The following EXOC6 variants were observed in gnomAD, a reference collection of about 807,000 sequenced individuals.
The protein encoded by EXOC6 is SEC15-like 1.
EXOC6 carries 60 observed loss-of-function variants against 112.5 expected under a neutral mutation model. The observed-to-expected ratio is 0.53, with a 90% CI of 0.43 to 0.66. EXOC6 has a LOEUF of 0.66. Ranked by LOEUF, EXOC6 falls within the 30% of genes least tolerant of loss-of-function variation. EXOC6 has a pLI of 0.00. For missense variants in EXOC6, 855 were observed against 957.1 expected (o/e 0.89, Z 1.41); for synonymous variants, 295 against 308.0 (o/e 0.96, Z 0.44).
At chr10:93,052,892 A>G (rs1480623322) in intron 20 of EXOC6, among the ~76,000 whole-genome samples, 1 of 152,214 alleles carries the variant, frequency 6.6e-6, no homozygotes, top group Non-Finnish European at 1.5e-5. Context: ...GTGTTAACCA[A>G]TAAATACACC....
chr10:92,982,928 A>AC (rs776560306), intron 18 of EXOC6, among the ~76,000 whole-genome samples: 73 of 152,354 alleles, frequency 4.8e-4, no homozygotes, highest in Non-Finnish European at 9.1e-4. Context: ...TGATTTTAGA[A>AC]CATAATATGC....
chr10:93,048,468 G>A (rs1449622509), intron 20 of EXOC6, among the ~76,000 whole-genome samples: 3 of 150,594 alleles, frequency 2.0e-5, no homozygotes, highest in South Asian at 2.1e-4. Context: ...GTGAAACCTC[G>A]TCTCTAATAC....
chr10:92,913,457 C>T (rs1850911465), intron 6 of EXOC6, among the ~76,000 whole-genome samples: 1 of 152,192 alleles, frequency 6.6e-6, no homozygotes, highest in Non-Finnish European at 1.5e-5. Context: ...GTCCAAGTTC[C>T]TCAGTCTCAT....
intron 18 of EXOC6, among the ~76,000 whole-genome samples, chr10:92,996,359 TAA>T (rs1843483108): frequency 6.6e-6 from 1 of 152,086 alleles, no homozygotes; most frequent in Admixed American, 6.6e-5. Context: ...AAAACCTGTT[TAA>T]AAAAATAATT....
In EXOC6 at chr10:92,955,679, C is replaced by T. The variant is rs776460259; in HGVS notation, c.1738C>T (p.His580Tyr). The stretch of plus-strand genomic sequence containing the variant: ...TACAAATATTTCCCAAGAAACTGTT[C>T]ATACTACAAGACTTTATGGACTTTC... ...NITNISQETV[H>Y]TTRLYGLSTF... The change falls in exon 17 of 22, where the codon CAT becomes TAT. Residue 580 changes from histidine to tyrosine, a missense_variant. By Grantham distance (83) the His-to-Tyr change is moderately conservative. Transcript: ENST00000260762. 1.1e-5 allele frequency: 18 copies of T among 1,611,948 alleles called. No individual in the cohort carries two copies. Among genetic ancestry groups the T allele is most frequent in the Admixed American group, 5.0e-5 (3 of 59,708 alleles).
intron 1 of EXOC6, among the ~76,000 whole-genome samples, chr10:92,864,180 C>T (rs1213002441): frequency 5.3e-5 from 8 of 152,122 alleles, no homozygotes; most frequent in African/African-American, 7.2e-5. Flanking sequence ...GTTATATAGG[C>T]GGATTACACA....
rs368146250 is a variant in EXOC6 at position 92,961,502 on chromosome 10, A to G, written c.1773+5788A>G. ...AAAAGCAAAAGCAGATTGGGTAACAAATATATATGGGATAGAATAAGTAAT... is the reference window on the plus strand; with the variant it reads ...AAAAGCAAAAGCAGATTGGGTAACAGATATATATGGGATAGAATAAGTAAT... On this transcript the variant is annotated intron_variant, in intron 17 of 21. Coordinates refer to ENST00000260762, the MANE Select transcript of EXOC6 (RefSeq NM_019053.6). Among the ~76,000 whole-genome samples the G allele has an allele frequency of 2.6e-5, 4 of 152,252 alleles. No individual in the cohort carries two copies. In the East Asian group the frequency reaches 7.7e-4, roughly 29 times the overall value.
chr10:92,881,388 G>A (rs1848957530), intron 1 of EXOC6, among the ~76,000 whole-genome samples: 1 of 152,142 alleles, frequency 6.6e-6, no homozygotes, highest in South Asian at 2.1e-4. Context: ...ATTGTAAGAT[G>A]TGCAAAGAAT....
At chr10:92,896,165 ATATATATATATATATATTTTTTTTTTTT>A (rs1849785010) in intron 4 of EXOC6, among the ~76,000 whole-genome samples, 1 of 22,170 alleles carries the variant, frequency 4.5e-5, no homozygotes, top group African/African-American at 2.3e-4. Context: ...ATATATATAT[ATATATATATATATATATTTTTTTTTTTT>A]TTTTTTTTTT....
intron 1 of EXOC6, among the ~76,000 whole-genome samples, chr10:92,854,759 T>C (rs1294229684): frequency 6.6e-6 from 1 of 152,230 alleles, no homozygotes; most frequent in Admixed American, 6.5e-5. Flanking sequence ...TTCTGTTTGC[T>C]AGTATTTTGT....
intron 1 of EXOC6, among the ~76,000 whole-genome samples, chr10:92,889,668 A>G (rs7097943): frequency 0.45 from 68,542 of 151,706 alleles, 16,255 homozygotes; most frequent in African/African-American, 0.59. Flanking sequence ...TGTTTTACCA[A>G]TACCATGCAA....
chr10:92,997,470 A>ACCTGT lies in EXOC6; in HGVS notation c.1954-3_1954-2insCTGTC. 1 of 1,601,878 alleles carries ACCTGT rather than the reference A, an allele frequency of 6.2e-7. No individual in the cohort carries two copies. Among genetic ancestry groups the ACCTGT allele is most frequent in the Non-Finnish European group, 8.5e-7 (1 of 1,173,312 alleles). On this transcript the variant is annotated splice_region_variant and splice_polypyrimidine_tract_variant and intron_variant, in intron 18 of 21. Coordinates refer to ENST00000260762, the MANE Select transcript of EXOC6 (RefSeq NM_019053.6). ...TTGATTTTTGGTTTGATTGTTTTAA[A>ACCTGT]CAGGGGAAAGTTGCTCAGACAGCTT... is the stretch of plus-strand genomic sequence containing the variant.
chr10:92,899,395 A>C (rs999971234), intron 4 of EXOC6, among the ~76,000 whole-genome samples: 5 of 152,166 alleles, frequency 3.3e-5, no homozygotes, highest in African/African-American at 1.2e-4. Flanking sequence ...GTGTGTGTAT[A>C]TAATAAAATG....
At chr10:93,037,972 G>A (rs1289286228) in intron 20 of EXOC6, among the ~76,000 whole-genome samples, 3 of 148,576 alleles carry the variant, frequency 2.0e-5, no homozygotes, top group South Asian at 2.1e-4. Context: ...CCCGGGAGGC[G>A]GAGCTTGCAG....
intron 12 of EXOC6, 123 bp downstream of exon 12, chr10:92,936,008 T>C: frequency 1.7e-6 from 1 of 604,078 alleles, no homozygotes. Flanking sequence ...AATGTTTACC[T>C]ACATATTGAT....
chr10:93,017,263 G>T (rs866963438), intron 20 of EXOC6, among the ~76,000 whole-genome samples: 5 of 152,100 alleles, frequency 3.3e-5, no homozygotes, highest in African/African-American at 1.2e-4. Context: ...AGACTCAAAA[G>T]GGGGAGGGTG....
upstream of EXOC6, among the ~76,000 whole-genome samples, chr10:92,832,121 T>C (rs1846504514): frequency 6.6e-6 from 1 of 152,352 alleles, no homozygotes; most frequent in Admixed American, 6.5e-5. Context: ...TATTTATGTA[T>C]TTTCAGGTTC....
chr10:93,037,883 CA>C (rs1278734534), intron 20 of EXOC6, among the ~76,000 whole-genome samples: 2 of 150,388 alleles, frequency 1.3e-5, no homozygotes, highest in African/African-American at 4.9e-5. Context: ...ACTAAAAATA[CA>C]AAAAAATTAG....
intron 1 of EXOC6, among the ~76,000 whole-genome samples, chr10:92,863,952 GAAAA>G (rs749645407): frequency 7.0e-6 from 1 of 143,572 alleles, no homozygotes; most frequent in Non-Finnish European, 1.5e-5. Context: ...AAAAAAAAAA[GAAAA>G]AAAACCCAAA....
Sources: gnomAD v4.1 joint callset for allele counts (sites outside exome capture counted in the v4.1 genomes callset) on GRCh38, gnomAD v4.1.1 for gene constraint, MANE v1.5 for transcripts, NCBI Gene and HGNC (gene_info 2026-07-23, HGNC 2026-07-21) for gene names.